Variants in FCER2 observed in about 807,000 individuals in gnomAD.
The protein encoded by FCER2 is Fc epsilon receptor II.
Under a neutral mutation model 49.7 loss-of-function variants are expected in FCER2, and 38 were observed. The observed-to-expected ratio is 0.76, with a 90% CI of 0.59 to 1.00. The LOEUF (loss-of-function observed/expected upper bound fraction) is 1.00. Ranked by LOEUF, FCER2 falls within the 50% of genes least tolerant of loss-of-function variation. The pLI, the probability that FCER2 is intolerant of heterozygous loss-of-function variation, is 0.00. For missense variants in FCER2, 425 were observed against 419.5 expected, an observed-to-expected ratio of 1.01 and a Z score of -0.11; for synonymous variants, 163 against 164.6, an observed-to-expected ratio of 0.99 and a Z score of 0.07.
intron 5 of FCER2, 73 bp downstream of exon 5, chr19:7,697,454 G>T: frequency 6.7e-7 from 1 of 1,497,754 alleles, no homozygotes; most frequent in Non-Finnish European, 9.3e-7. Flanking sequence ...GAGTCTTAAT[G>T]CTCTGGGTCC....
chr19:7,696,111 T>A (rs1018396156), intron 8 of FCER2, among the ~76,000 whole-genome samples: 2 of 151,696 alleles, frequency 1.3e-5, no homozygotes, highest in Non-Finnish European at 2.9e-5. Flanking sequence ...TTTTTTAAAA[T>A]TTTTATTGAG....
chr19:7,692,842 C>T (rs62110730), intron 8 of FCER2, among the ~76,000 whole-genome samples: 51,548 of 151,740 alleles, frequency 0.34, 9,608 homozygotes, highest in African/African-American at 0.5. Context: ...AGCACGTCAG[C>T]GGCCATCACT....
chr19:7,696,753 G>T, intron 8 of FCER2, 72 bp downstream of exon 8: 2 of 1,132,490 alleles, frequency 1.8e-6, no homozygotes, highest in South Asian at 1.3e-5. Context: ...CGTGCGTGCC[G>T]TCACATTTGC....
intron 7 of FCER2, 44 bp downstream of exon 7, chr19:7,696,969 T>C: frequency 6.4e-7 from 1 of 1,559,682 alleles, no homozygotes; most frequent in Non-Finnish European, 8.7e-7. Context: ...GCCCCCTCCT[T>C]GTCCGTTCCC....
chr19:7,698,526 A>T (rs1568490806), intron 3 of FCER2, 117 bp from the exon 4 acceptor site: 9 of 958,670 alleles, frequency 9.4e-6, no homozygotes, highest in Non-Finnish European at 1.3e-5. Flanking sequence ...GAGGTGCTGA[A>T]AGTGTGGAGG....
At chr19:7,695,515 C>A (rs2032987089) in intron 8 of FCER2, among the ~76,000 whole-genome samples, 1 of 152,198 alleles carries the variant, frequency 6.6e-6, no homozygotes, top group African/African-American at 2.4e-5. Context: ...ATGGCTCATG[C>A]CTGTAATCTC....
rs1568489908 is a variant in FCER2, at chr19:7,697,015, T to C, written c.377A>G (p.Gln126Arg). Residue 126 changes from glutamine to arginine, a missense_variant and splice_region_variant, in exon 7 of 11, where the codon CAG (glutamine) becomes CGG (arginine). Physicochemically the swap from Gln to Arg is conservative, Grantham distance 43. Coordinates refer to ENST00000597921, the MANE Select transcript of FCER2 (RefSeq NM_001220500.2). ...LQADLSSFKS[Q>R]ELNERNEASD... is the part of the protein sequence containing the mutation. ...CCCCATCCCCTCCCAAGCCTCACCCTGGGACTTGAAGCTGCTCAGATCTGC... is the reference window on the plus strand; with the variant it reads ...CCCCATCCCCTCCCAAGCCTCACCCCGGGACTTGAAGCTGCTCAGATCTGC... The C allele has an allele frequency of 1.9e-6, 3 of 1,555,372 alleles. No homozygotes were observed. The highest frequency in any genetic ancestry group is 2.6e-6 in the Non-Finnish European group (3 of 1,144,948).
chr19:7,701,431 A>C (rs1348055658), intron 1 of FCER2, among the ~76,000 whole-genome samples: 1 of 152,108 alleles, frequency 6.6e-6, no homozygotes, highest in Non-Finnish European at 1.5e-5. Flanking sequence ...AATTGGGAGT[A>C]TTCAAAGCAC....
rs984764891 is a variant in FCER2, at chr19:7,688,856, T to G, written c.*337A>C. The G allele has an allele frequency of 3.3e-6, 1 of 298,598 alleles. No homozygotes were observed. 18.5% of individuals were successfully genotyped at this position (298,598 alleles called of 1,614,324 possible). On this transcript the variant is annotated 3_prime_UTR_variant, in exon 11 of 11. Coordinates refer to ENST00000597921, the MANE Select transcript of FCER2 (RefSeq NM_001220500.2). The stretch of plus-strand genomic sequence containing the variant: ...ACCTGAGCTGGGGATACTCAGGTCC[T>G]GGGGTGCTGAGGAGATGGGGCTGCA...
At position 7,688,974 on chromosome 19, in the gene FCER2, C is replaced by G. The variant is rs1242653569; in HGVS notation, c.*219G>C. 1.4e-5 allele frequency: 8 copies of G among 577,774 alleles called. No homozygotes were observed. Among genetic ancestry groups the G allele is most frequent in the Non-Finnish European group, 2.5e-5 (8 of 322,768 alleles). The allele number at this position is 577,774 out of a possible 1,614,324, so 35.8% of individuals were successfully genotyped here. A position where few individuals can be genotyped will look rare whatever the true frequency, so the allele number is the denominator to read the frequency against. ...GGAGAGGGTGCTGTTGGGGTGTACT[C>G]TCATCTGGAGAGGGTGCTGTTGGGG... On this transcript the variant is annotated 3_prime_UTR_variant, in exon 11 of 11. Transcript: ENST00000597921.
Position 7,699,745 on chromosome 19 carries a change from A to G in FCER2, c.16T>C (p.Tyr6His). The G allele has an allele frequency of 6.2e-7, 1 of 1,613,850 alleles. No individual in the cohort carries two copies. Among genetic ancestry groups the G allele is most frequent in the Non-Finnish European group, 8.5e-7 (1 of 1,179,882 alleles). Reference protein sequence around the residue: MEEGQYSEIEELPRRR... With the variant: MEEGQHSEIEELPRRR... Reference sequence around the variant, plus strand: ...AACCAGAGAGTCCTCCTACCTGAATATTGACCTTCCTCCATGGCGGTCCTG... The same window carrying G: ...AACCAGAGAGTCCTCCTACCTGAATGTTGACCTTCCTCCATGGCGGTCCTG... The change falls in exon 2 of 11, where the codon TAT becomes CAT. Residue 6 changes from tyrosine (Y) to histidine (H), a missense_variant. Physicochemically the swap from Tyr to His is moderately conservative, Grantham distance 83 (BLOSUM62 2). Coordinates refer to ENST00000597921, the MANE Select transcript of FCER2 (RefSeq NM_001220500.2).
At chr19:7,695,377 A>G (rs1383086684) in intron 8 of FCER2, among the ~76,000 whole-genome samples, 2 of 152,210 alleles carry the variant, frequency 1.3e-5, no homozygotes, top group African/African-American at 4.8e-5. Flanking sequence ...CAGGCAGAGG[A>G]CACCAGCAAG....
Position 7,696,835 on chromosome 19 carries a change from C to T in FCER2, c.459G>A (p.Gln153=). The stretch of plus-strand genomic sequence containing the variant: ...GACTCACACACTCACCGCTGGACAC[C>T]TGCAACTCCATCCTTAGCTTTGTCA... ...EEVTKLRMEL[Q]VSSGFVCNTC... Residue 153 remains glutamine (Q), a synonymous_variant, in exon 8 of 11, where the codon CAG becomes CAA. Coordinates refer to ENST00000597921, the MANE Select transcript of FCER2 (RefSeq NM_001220500.2). The T allele has an allele frequency of 6.3e-7, 1 of 1,577,934 alleles. No individual in the cohort carries two copies. Among genetic ancestry groups the T allele is most frequent in the Non-Finnish European group, 8.6e-7 (1 of 1,160,748 alleles).
Position 7,689,362 on chromosome 19 carries a change from C to A in FCER2, c.797G>T (p.Gly266Val). ...GEDCVMMRGS[G>V]RWNDAFCDRK... is the part of the protein sequence containing the mutation. ...GTCGCAGAAGGCGTCGTTCCAGCGA[C>A]CGGAGCCCCGCATCATCACGCAGTC... Residue 266 changes from glycine (G) to valine (V), a missense_variant, in exon 11 of 11, where the codon GGT becomes GTT. Transcript: ENST00000597921. 3 of 1,610,326 alleles carry A rather than the reference C, an allele frequency of 1.9e-6. No homozygotes were observed. The highest frequency in any genetic ancestry group is 2.5e-6 in the Non-Finnish European group (3 of 1,178,864).
Position 7,697,218 on chromosome 19 carries a change from C to G in FCER2, c.316+18G>C, listed in dbSNP as rs1166822841. The G allele has an allele frequency of 6.2e-7, 1 of 1,613,668 alleles. No homozygotes were observed. Among genetic ancestry groups the G allele is most frequent in the African/African-American group, 1.3e-5 (1 of 74,904 alleles). On this transcript the variant is annotated intron_variant, in intron 6 of 10. Transcript: ENST00000597921. ...TCCCACCCAATCTGGCTTCATAACCCCGATCCCAGTCTCTCACCCTGAGAT... is the reference window on the plus strand; with the variant it reads ...TCCCACCCAATCTGGCTTCATAACCGCGATCCCAGTCTCTCACCCTGAGAT...
At position 7,688,938 on chromosome 19, in the gene FCER2, T is replaced by C. The variant is rs796189676; in HGVS notation, c.*255A>G. 8.8e-4 allele frequency: 408 copies of C among 464,408 alleles called. 1 individual carries two copies. The highest frequency in any genetic ancestry group is 1.1e-3 in the Middle Eastern group (2 of 1,860). 28.8% of individuals were successfully genotyped at this position (464,408 alleles called of 1,614,324 possible). On this transcript the variant is annotated 3_prime_UTR_variant, in exon 11 of 11. Coordinates refer to ENST00000597921, the MANE Select transcript of FCER2 (RefSeq NM_001220500.2). ...ATCTGGAGAGGGTGCTGTTGGGGTG[T>C]ACTCTCATCTGGAGAGGGTGCTGTT...
chr19:7,694,958 C>T (rs184774211), intron 8 of FCER2, among the ~76,000 whole-genome samples: 11 of 152,246 alleles, frequency 7.2e-5, no homozygotes, highest in Admixed American at 2.0e-4. Context: ...CCTCAGCCTC[C>T]GGAGTAGATG....
intron 3 of FCER2, 113 bp downstream of exon 3, chr19:7,698,628 T>C: frequency 2.1e-6 from 3 of 1,434,360 alleles, no homozygotes; most frequent in Admixed American, 2.0e-5. Flanking sequence ...ATGGGAAAAT[T>C]GGGTTTTGAG....
intron 6 of FCER2, 64 bp downstream of exon 6, chr19:7,697,172 G>T: frequency 6.2e-7 from 1 of 1,607,342 alleles, no homozygotes; most frequent in Non-Finnish European, 8.5e-7. Context: ...GGTTCCCCAG[G>T]GCTCTGAGAC....
Sources: gnomAD v4.1 joint callset for allele counts (sites outside exome capture counted in the v4.1 genomes callset) on GRCh38, gnomAD v4.1.1 for gene constraint, MANE v1.5 for transcripts, NCBI Gene and HGNC (gene_info 2026-07-23, HGNC 2026-07-21) for gene names.